The following QSOX2 variants were observed in gnomAD, a reference collection of about 807,000 sequenced individuals.
QSOX2 encodes sulfhydryl oxidase 2.
Under a neutral mutation model 61.7 loss-of-function variants are expected in QSOX2, and 46 were observed. That is an observed-to-expected ratio of 0.75 (90% CI 0.59 to 0.95). QSOX2 has a LOEUF of 0.95. Ranked by LOEUF, QSOX2 falls within the 40% of genes least tolerant of loss-of-function variation. The pLI, the probability that QSOX2 is intolerant of heterozygous loss-of-function variation, is 0.00. For synonymous variants in QSOX2, 383 were observed against 388.4 expected (o/e 0.99, Z 0.16); for missense variants, 879 against 918.9 (o/e 0.96, Z 0.56).
intron 11 of QSOX2, chr9:136,210,475 G>C: frequency 1.0e-6 from 1 of 985,472 alleles, no homozygotes; most frequent in Non-Finnish European, 1.2e-6. Flanking sequence ...AGGGCTCGGG[G>C]AAAGCACAGG....
chr9:136,226,086 G>A (rs1564293977), intron 2 of QSOX2, among the ~76,000 whole-genome samples: 1 of 152,212 alleles, frequency 6.6e-6, no homozygotes, highest in Non-Finnish European at 1.5e-5. Context: ...AAGCCACCAT[G>A]ACATGACACC....
chr9:136,209,002 C>T lies in QSOX2; in HGVS notation c.1823G>A (p.Ser608Asn), dbSNP rs1222327434. The T allele has an allele frequency of 1.9e-6, 3 of 1,613,810 alleles. No homozygotes were observed. The African/African-American group carries it at 4.0e-5, about 22-fold the overall frequency. Residue 608 changes from serine (S) to asparagine (N), a missense_variant, in exon 12 of 12, where the codon AGC becomes AAC. Transcript: ENST00000358701. This position sits in a 1 kb window ranked among gnomAD's most constrained non-coding sequence, Gnocchi z 5.6. The part of the protein sequence containing the change: ...EVSHGDRDTQ[S>N]VRPPGALGPR... ...GCCCAGTGCACCAGGTGGACGGACGCTCTGGGTGTCTCGGTCTCCATGGGA... is the reference window on the plus strand; with the variant it reads ...GCCCAGTGCACCAGGTGGACGGACGTTCTGGGTGTCTCGGTCTCCATGGGA...
chr9:136,208,961 G>A lies in QSOX2; in HGVS notation c.1864C>T (p.Pro622Ser). 1 of 1,613,706 alleles carries A rather than the reference G, an allele frequency of 6.2e-7. No individual in the cohort carries two copies. The highest frequency in any genetic ancestry group is 8.5e-7 in the Non-Finnish European group (1 of 1,179,772). The change falls in exon 12 of 12, where the codon CCA (proline) becomes TCA (serine). Residue 622 changes from proline to serine, a missense_variant. Pro to Ser is a moderately conservative substitution (Grantham distance 74). Coordinates refer to ENST00000358701, the MANE Select transcript of QSOX2 (RefSeq NM_181701.4). ...PGALGPRPAL[P>S]ESLHHSLDGK... ...TCCAAGCTGTGATGCAAGCTCTCTGGAAGGGCAGGCCTGGGGCCCAGTGCA... is the reference window on the plus strand; with the variant it reads ...TCCAAGCTGTGATGCAAGCTCTCTGAAAGGGCAGGCCTGGGGCCCAGTGCA...
At chr9:136,214,213 A>C (rs1038496017) in intron 10 of QSOX2, among the ~76,000 whole-genome samples, 3 of 152,166 alleles carry the variant, frequency 2.0e-5, no homozygotes, top group Non-Finnish European at 2.9e-5. Context: ...GAAGGACAGA[A>C]AATTTGTTTT....
chr9:136,234,087 C>G (rs1029405068), intron 1 of QSOX2, among the ~76,000 whole-genome samples: 1 of 151,920 alleles, frequency 6.6e-6, no homozygotes, highest in Non-Finnish European at 1.5e-5. Context: ...GGGACAAAGG[C>G]CTTCACGAGG....
chr9:136,233,959 C>T (rs1830354684), intron 1 of QSOX2, among the ~76,000 whole-genome samples: 1 of 152,260 alleles, frequency 6.6e-6, no homozygotes, highest in Non-Finnish European at 1.5e-5. Flanking sequence ...GCACAACGTA[C>T]CTCCATGAAG....
At chr9:136,242,310 C>T (rs1387227652) in intron 1 of QSOX2, among the ~76,000 whole-genome samples, 1 of 152,262 alleles carries the variant, frequency 6.6e-6, no homozygotes, top group East Asian at 1.9e-4. Flanking sequence ...CAGCTGGAGG[C>T]TCCTGGGAAG....
Position 136,207,250 on chromosome 9 carries a change from T to C in QSOX2, c.*1478A>G, listed in dbSNP as rs1335550707. Reference sequence around the variant, plus strand: ...CGACAACAATCACATCAATATTACATGGTCTTATGAATACATCCATGTCAT... The same window carrying C: ...CGACAACAATCACATCAATATTACACGGTCTTATGAATACATCCATGTCAT... On this transcript the variant is annotated 3_prime_UTR_variant, in exon 12 of 12. Transcript: ENST00000358701. The C allele has an allele frequency of 6.6e-6, 1 of 152,328 alleles. No homozygotes were observed. Among genetic ancestry groups the C allele is most frequent in the African/African-American group, 2.4e-5 (1 of 41,436 alleles). 9.4% of individuals were successfully genotyped at this position (152,328 alleles called of 1,614,324 possible). A position where few individuals can be genotyped will look rare whatever the true frequency, so the allele number is the denominator to read the frequency against.
At chr9:136,237,084 G>T (rs1382263715) in intron 1 of QSOX2, among the ~76,000 whole-genome samples, 2 of 138,712 alleles carry the variant, frequency 1.4e-5, no homozygotes, top group African/African-American at 5.5e-5. Flanking sequence ...TGCCCGTCCT[G>T]TGCCACACCT....
chr9:136,224,192 C>T (rs896630577), intron 3 of QSOX2, 80 bp from the exon 4 acceptor site: 15 of 1,127,090 alleles, frequency 1.3e-5, no homozygotes, highest in Middle Eastern at 2.4e-4. Flanking sequence ...ACAGCAGCCC[C>T]GTCCCAGCCT....
chr9:136,217,726 C>T (rs1307268247), intron 8 of QSOX2, among the ~76,000 whole-genome samples: 2 of 152,218 alleles, frequency 1.3e-5, no homozygotes, highest in Non-Finnish European at 2.9e-5. Flanking sequence ...GCGACTCCAG[C>T]GAATTAGCTG....
chr9:136,219,106 T>C lies in QSOX2; in HGVS notation c.880A>G (p.Lys294Glu), dbSNP rs759114385. 14 of 1,613,962 alleles carry C rather than the reference T, an allele frequency of 8.7e-6. No homozygotes were observed. The East Asian group carries it at 2.9e-4, about 33-fold the overall frequency. The change falls in exon 7 of 12, where the codon AAA (lysine) becomes GAA (glutamate). Residue 294 changes from lysine to glutamate, a missense_variant. Coordinates refer to ENST00000358701, the MANE Select transcript of QSOX2 (RefSeq NM_181701.4). ...SYLKSLPDVR[K>E]KSLPLPEKPH... ...TTTTCAGGCAAGGGAAGCGATTTTT[T>C]CCTCACATCCGGCAATGACTTCAAA...
chr9:136,208,554 CTT>C lies in QSOX2; in HGVS notation c.*172_*173del. On this transcript the variant is annotated 3_prime_UTR_variant, in exon 12 of 12. Coordinates refer to ENST00000358701, the MANE Select transcript of QSOX2 (RefSeq NM_181701.4). ...CCACAAAATTACCCCGTGTTCTTCC[CTT>C]GTTAGAAGAGCGTTTGTAAAACCAG... 4 of 697,988 alleles carry C rather than the reference CTT, an allele frequency of 5.7e-6. No homozygotes were observed. Among genetic ancestry groups the C allele is most frequent in the Non-Finnish European group, 4.5e-6 (2 of 442,052 alleles). 43.2% of individuals were successfully genotyped at this position (697,988 alleles called of 1,614,324 possible).
At chr9:136,243,519 C>T (rs752369519) in intron 1 of QSOX2, among the ~76,000 whole-genome samples, 9 of 152,196 alleles carry the variant, frequency 5.9e-5, no homozygotes, top group Non-Finnish European at 8.8e-5. Context: ...GTAAACCTAC[C>T]CCTTCCTATA....
chr9:136,235,032 G>A (rs148123429), intron 1 of QSOX2, among the ~76,000 whole-genome samples: 45 of 152,310 alleles, frequency 3.0e-4, no homozygotes, highest in Admixed American at 6.5e-4. Flanking sequence ...CCCCGCCCAT[G>A]GCCCATGCTC....
intron 10 of QSOX2, among the ~76,000 whole-genome samples, chr9:136,213,989 C>A (rs985273961): frequency 6.6e-6 from 1 of 152,128 alleles, no homozygotes; most frequent in South Asian, 2.1e-4. Flanking sequence ...TGCTTTAAGC[C>A]CCAGCATTTT....
At position 136,216,720 on chromosome 9, in the gene QSOX2, C is replaced by T; in HGVS notation, c.1089G>A (p.Leu363=). 2 of 1,613,394 alleles carry T rather than the reference C, an allele frequency of 1.2e-6. No homozygotes were observed. The highest frequency in any genetic ancestry group is 1.7e-6 in the Non-Finnish European group (2 of 1,179,860). The change falls in exon 9 of 12, where the codon CTG becomes CTA. Residue 363 remains leucine (L), a splice_region_variant and synonymous_variant. Coordinates refer to ENST00000358701, the MANE Select transcript of QSOX2 (RefSeq NM_181701.4). ...LKDFVTVLAK[L]FPGRPPVKKL... ...TCTTGACTGGCGGCCGTCCAGGGAACAGCTGCATGAGGAAGGAGCCACCTG... is the reference window on the plus strand; with the variant it reads ...TCTTGACTGGCGGCCGTCCAGGGAATAGCTGCATGAGGAAGGAGCCACCTG...
chr9:136,224,777 G>C, intron 3 of QSOX2, 84 bp downstream of exon 3: 4 of 876,750 alleles, frequency 4.6e-6, no homozygotes, highest in Non-Finnish European at 7.0e-6. Flanking sequence ...CAGGCTGGGA[G>C]CTCCCCAGGC....
chr9:136,243,998 G>A (rs150532325), intron 1 of QSOX2, among the ~76,000 whole-genome samples: 4 of 151,990 alleles, frequency 2.6e-5, no homozygotes, highest in Admixed American at 1.3e-4. Flanking sequence ...GTGCTGCTTC[G>A]GTTACAGAAT....
Sources: gnomAD v4.1 joint callset for allele counts (sites outside exome capture counted in the v4.1 genomes callset) on GRCh38, gnomAD v4.1.1 for gene constraint, Gnocchi (gnomAD v3.1) non-coding constraint, MANE v1.5 for transcripts, NCBI Gene and HGNC (gene_info 2026-07-23, HGNC 2026-07-21) for gene names.